The following SNX5 variants were observed in gnomAD, a reference collection of about 807,000 sequenced individuals.
The protein encoded by SNX5 is sorting nexin-5.
SNX5 carries 31 observed loss-of-function variants against 53.9 expected under a neutral mutation model. That is an observed-to-expected ratio of 0.58 (90% confidence interval 0.43 to 0.78). The LOEUF is 0.78. SNX5 is among the 30% of genes least tolerant of loss of function. SNX5 has a pLI of 0.00. For missense variants in SNX5, 471 were observed against 478.8 expected (o/e 0.98, Z 0.15); for synonymous variants, 168 against 171.1 (o/e 0.98, Z 0.14).
At chr20:17,949,582 G>C (rs764253455) in intron 8 of SNX5, among the ~76,000 whole-genome samples, 2 of 152,174 alleles carry the variant, frequency 1.3e-5, no homozygotes, top group Non-Finnish European at 2.9e-5. Flanking sequence ...ACATACATAA[G>C]TGCAGAGTGA....
chr20:17,960,720 T>C (rs1382512592), intron 1 of SNX5, among the ~76,000 whole-genome samples: 1 of 146,622 alleles, frequency 6.8e-6, no homozygotes, highest in Non-Finnish European at 1.5e-5. Context: ...GAGGTTGCAG[T>C]GAGCCAAGAT....
chr20:17,967,665 C>T (rs1373643422), intron 1 of SNX5: 2 of 160,006 alleles, frequency 1.2e-5, no homozygotes, highest in African/African-American at 4.8e-5. Flanking sequence ...TTTAAAGAAC[C>T]AATGAAAAAG....
At chr20:17,944,458 T>A (rs1467776974) in intron 11 of SNX5, 1 of 152,228 alleles carries the variant, frequency 6.6e-6, no homozygotes, top group Non-Finnish European at 1.5e-5. Flanking sequence ...AAAACATTTT[T>A]AAATCCAAAA....
chr20:17,945,712 T>C (rs926137687), intron 11 of SNX5, among the ~76,000 whole-genome samples: 3 of 152,144 alleles, frequency 2.0e-5, no homozygotes, highest in Non-Finnish European at 4.4e-5. Context: ...CCTGTCTACA[T>C]GACATTTGCC....
chr20:17,961,560 G>A (rs1258013112), intron 1 of SNX5: 2 of 984,116 alleles, frequency 2.0e-6, no homozygotes, highest in Non-Finnish European at 2.4e-6. Context: ...ACAATATGCA[G>A]TGCTAGCCTG....
At chr20:17,967,209 G>A (rs2035555558) in intron 1 of SNX5, among the ~76,000 whole-genome samples, 1 of 151,792 alleles carries the variant, frequency 6.6e-6, no homozygotes, top group Non-Finnish European at 1.5e-5. Context: ...GAATGTACCA[G>A]AAAGAAAGAA....
chr20:17,949,662 T>C (rs11697739), intron 8 of SNX5, among the ~76,000 whole-genome samples: 87,506 of 151,998 alleles, frequency 0.58, 25,607 homozygotes, highest in African/African-American at 0.67. Flanking sequence ...AGCTGTGTGT[T>C]AGACTGGGGT....
At chr20:17,951,465 T>TA in intron 6 of SNX5, 35 bp downstream of exon 6, 1 of 1,323,630 alleles carries the variant, frequency 7.6e-7, no homozygotes, top group Non-Finnish European at 1.1e-6. Context: ...CCCGATGAAG[T>TA]AAAAAATTTT....
intron 5 of SNX5, among the ~76,000 whole-genome samples, chr20:17,951,829 A>T (rs2039572924): frequency 6.6e-6 from 1 of 152,252 alleles, no homozygotes; most frequent in African/African-American, 2.4e-5. Flanking sequence ...ACTAGAAGCT[A>T]AGTCTTAGTG....
chr20:17,966,050 C>T lies in SNX5; in HGVS notation c.51+2325G>A, dbSNP rs989730718. 2.0e-5 allele frequency among the ~76,000 whole-genome samples: 3 copies of T among 152,164 alleles called. 1 individual carries two copies. Among genetic ancestry groups the T allele is most frequent in the African/African-American group, 2.4e-5 (1 of 41,496 alleles). On this transcript the variant is annotated intron_variant, in intron 1 of 12. Transcript: ENST00000377759. ...AGCAGTACTTAGTCTACAAACACTC[C>T]TGAGTAGGTAAGAGGACAGATATCA...
At chr20:17,961,837 C>T in intron 1 of SNX5, 1 of 985,384 alleles carries the variant, frequency 1.0e-6, no homozygotes, top group Non-Finnish European at 1.2e-6. Flanking sequence ...TAGCATGGAG[C>T]CAAGAAGCCT....
Position 17,962,679 on chromosome 20 carries a change from G to A in SNX5, c.52-5642C>T, listed in dbSNP as rs116890252. 1,267 of 512,556 alleles carry A rather than the reference G, an allele frequency of 2.5e-3. 5 individuals are homozygous for A. Among genetic ancestry groups the A allele is most frequent in the Non-Finnish European group, 4.2e-3 (1,076 of 257,298 alleles). 31.8% of individuals were successfully genotyped at this position (512,556 alleles called of 1,614,324 possible). A position where few individuals can be genotyped will look rare whatever the true frequency, so the allele number is the denominator to read the frequency against. The stretch of plus-strand genomic sequence containing the variant: ...TAGCTATTAAAGCTACTCAGGCATC[G>A]GCTTAATAAAAAACTAAAGGGCTGC... On this transcript the variant is annotated intron_variant, in intron 1 of 12. Transcript: ENST00000377759.
chr20:17,943,236 A>C, intron 11 of SNX5, 41 bp from the exon 12 acceptor site: 2 of 1,312,398 alleles, frequency 1.5e-6, no homozygotes, highest in Non-Finnish European at 2.2e-6. Flanking sequence ...AGAAAAACTA[A>C]ACAATTTTCA....
intron 1 of SNX5, among the ~76,000 whole-genome samples, chr20:17,965,670 C>CA (rs74179147): frequency 0.5 from 48,711 of 96,868 alleles, 10,644 homozygotes; most frequent in South Asian, 0.64. Flanking sequence ...GACCCTGTCT[C>CA]AAAAAAAAAA....
chr20:17,968,263 C>A (rs1329999751), intron 1 of SNX5, 112 bp downstream of exon 1: 1 of 929,260 alleles, frequency 1.1e-6, no homozygotes, highest in Non-Finnish European at 1.4e-6. Context: ...GCTTCCCGCG[C>A]TGGGGATGGC....
At chr20:17,966,212 C>T (rs2035534292) in intron 1 of SNX5, among the ~76,000 whole-genome samples, 1 of 151,972 alleles carries the variant, frequency 6.6e-6, no homozygotes. Flanking sequence ...ATGGTGAAAC[C>T]CGGTCTCCAC....
intron 1 of SNX5, among the ~76,000 whole-genome samples, chr20:17,958,253 AG>A (rs1247730597): frequency 1.3e-5 from 2 of 152,312 alleles, no homozygotes; most frequent in East Asian, 1.9e-4. Flanking sequence ...TGCCAAGTGA[AG>A]ATTACAATTA....
At chr20:17,952,019 C>A (rs540938249) in intron 5 of SNX5, among the ~76,000 whole-genome samples, 1 of 152,154 alleles carries the variant, frequency 6.6e-6, no homozygotes, top group Non-Finnish European at 1.5e-5. Context: ...GTCAGGAGAT[C>A]GAGACCATCT....
chr20:17,968,056 C>T, intron 1 of SNX5: 1 of 398,614 alleles, frequency 2.5e-6, no homozygotes, highest in East Asian at 3.6e-5. Flanking sequence ...CACCACGAAG[C>T]CGAGGAAAGT....
Sources: allele counts gnomAD v4.1 joint callset (sites outside exome capture counted in the v4.1 genomes callset), GRCh38; gene constraint gnomAD v4.1.1; transcripts MANE v1.5; gene names NCBI Gene and HGNC (gene_info 2026-07-23, HGNC 2026-07-21).